LPP: variants seen among roughly 807,000 people sequenced by gnomAD.
LPP encodes the protein lipoma-preferred partner.
LPP carries 38 observed loss-of-function variants against 60.4 expected under a neutral mutation model. The ratio of observed to expected loss-of-function variants is 0.63; its 90% CI spans 0.49 to 0.83. The LOEUF (loss-of-function observed/expected upper bound fraction) is 0.83. LPP is among the 40% of genes least tolerant of loss of function. The pLI is 0.00. For missense variants in LPP, 902 were observed against 783.6 expected (o/e 1.15, Z -1.80); for synonymous variants, 328 against 290.8 (o/e 1.13, Z -1.30).
chr3:188,766,551 T>C (rs1734220524), intron 9 of LPP, among the ~76,000 whole-genome samples: 1 of 152,170 alleles, frequency 6.6e-6, no homozygotes, highest in East Asian at 1.9e-4. Context: ...AACTGAATCT[T>C]AGAAAGTGTC....
rs73888480 is a variant in LPP at position 188,429,721 on chromosome 3, C to G, written c.193+23408C>G. 8.5e-3 allele frequency among the ~76,000 whole-genome samples: 1,299 copies of G among 152,166 alleles called. 14 individuals carry two copies. The highest frequency in any genetic ancestry group is 0.03 in the African/African-American group (1,255 of 41,508). On this transcript the variant is annotated intron_variant, in intron 4 of 11. Coordinates refer to ENST00000617246, the MANE Select transcript of LPP (RefSeq NM_001375462.1). ...TCTGACTCGTCTTCTTTTCTTTAAG[C>G]GGAATAGTTCCACTGCAGAGTCTCT...
chr3:188,594,197 G>A lies in LPP; in HGVS notation c.430-14964G>A, dbSNP rs187758310. 1.1e-4 allele frequency among the ~76,000 whole-genome samples: 16 copies of A among 152,306 alleles called. No individual in the cohort carries two copies. The East Asian group carries it at 3.1e-3, about 29-fold the overall frequency. ...ACATGGAATATCAAGAGGGAGAACAGACTAGGAGAAGACGTTTGAATTCAG... is the reference window on the plus strand; with the variant it reads ...ACATGGAATATCAAGAGGGAGAACAAACTAGGAGAAGACGTTTGAATTCAG... On this transcript the variant is annotated intron_variant, in intron 6 of 11. Coordinates refer to ENST00000617246, the MANE Select transcript of LPP (RefSeq NM_001375462.1).
chr3:188,562,051 A>T (rs1830818370), intron 6 of LPP, among the ~76,000 whole-genome samples: 1 of 47,518 alleles, frequency 2.1e-5, no homozygotes, highest in South Asian at 6.3e-4. Flanking sequence ...TCACGCACAC[A>T]CAGACACACA....
In LPP at chr3:188,841,688, A is replaced by T. The variant is rs374348632; in HGVS notation, c.1411-24512A>T. On this transcript the variant is annotated intron_variant, in intron 9 of 11. Transcript: ENST00000617246. ...AATTTGTTTTCTTAACTACCCATTT[A>T]TTTGCTTGAAACAGATGACTTAAAA... is the stretch of plus-strand genomic sequence containing the variant. 9.2e-5 allele frequency among the ~76,000 whole-genome samples: 14 copies of T among 152,172 alleles called. No individual in the cohort carries two copies. In the South Asian group the frequency reaches 2.9e-3, roughly 32 times the overall value.
intron 9 of LPP, among the ~76,000 whole-genome samples, chr3:188,825,916 G>A (rs147934154): frequency 4.6e-4 from 70 of 152,034 alleles, no homozygotes; most frequent in African/African-American, 1.5e-3. Flanking sequence ...TTTTCTCCGT[G>A]TGCCACCACA....
intron 7 of LPP, among the ~76,000 whole-genome samples, chr3:188,629,127 G>A (rs765511828): frequency 2.0e-5 from 3 of 152,118 alleles, no homozygotes; most frequent in Non-Finnish European, 2.9e-5. Context: ...AACCATCTAT[G>A]TCAAACCCTC....
chr3:188,649,484 A>G (rs1411351380), intron 7 of LPP, among the ~76,000 whole-genome samples: 1 of 152,154 alleles, frequency 6.6e-6, no homozygotes, highest in Non-Finnish European at 1.5e-5. Flanking sequence ...CTTAACCACA[A>G]TAGAACTCAG....
At chr3:188,624,420 A>G (rs968770080) in intron 7 of LPP, among the ~76,000 whole-genome samples, 22 of 152,232 alleles carry the variant, frequency 1.4e-4, no homozygotes, top group Non-Finnish European at 2.8e-4. Context: ...ACGGCTTGAG[A>G]GAGGATTAAA....
intron 7 of LPP, among the ~76,000 whole-genome samples, chr3:188,641,061 T>G (rs1250599875): frequency 6.6e-6 from 1 of 151,948 alleles, no homozygotes; most frequent in African/African-American, 2.4e-5. Flanking sequence ...GAGGGTACAT[T>G]TGCAGTGGAT....
rs556866306 is a variant in LPP at position 188,890,199 on chromosome 3, A to G, written c.*15720A>G. ...CAGCACTTCCTACTAGCTAAGCACA[A>G]TCATAGCCCCACCGTGATGAGCTGC... is the stretch of plus-strand genomic sequence containing the variant. On this transcript the variant is annotated 3_prime_UTR_variant, in exon 12 of 12. Transcript: ENST00000617246. The G allele has an allele frequency of 1.4e-5, 3 of 218,498 alleles. No individual in the cohort carries two copies. Among genetic ancestry groups the G allele is most frequent in the East Asian group, 1.3e-4 (2 of 14,864 alleles). The allele number at this position is 218,498 out of a possible 1,614,324, so 13.5% of individuals were successfully genotyped here.
Position 188,878,773 on chromosome 3 carries a change from AAAG to A in LPP, c.*4297_*4299del, listed in dbSNP as rs946593204. On this transcript the variant is annotated 3_prime_UTR_variant, in exon 12 of 12. Transcript: ENST00000617246. ...AAGTAAAAAAGTAAAAAAAAAAAAA[AAAG>A]AAAGAAAGAAAAGAAAGAGAGAGAA... is the stretch of plus-strand genomic sequence containing the variant. 8 of 204,022 alleles carry A rather than the reference AAAG, an allele frequency of 3.9e-5. No homozygotes were observed. The highest frequency in any genetic ancestry group is 3.0e-4 in the East Asian group (4 of 13,326). The allele number at this position is 204,022 out of a possible 1,614,324, so 12.6% of individuals were successfully genotyped here.
intron 7 of LPP, among the ~76,000 whole-genome samples, chr3:188,634,844 G>T (rs1264999787): frequency 1.3e-5 from 2 of 152,222 alleles, no homozygotes; most frequent in East Asian, 3.9e-4. Context: ...AATAGAAATA[G>T]CATGAACAAT....
At chr3:188,250,724 CTCTTTCTTTCTT>C (rs768358623) in intron 2 of LPP, among the ~76,000 whole-genome samples, 5,854 of 118,514 alleles carry the variant, frequency 0.049, 187 homozygotes, top group East Asian at 0.11. Flanking sequence ...CTTTCTTTCT[CTCTTTCTTTCTT>C]TCTTTCTTTC....
intron 9 of LPP, among the ~76,000 whole-genome samples, chr3:188,848,402 C>T (rs1329833667): frequency 6.6e-6 from 1 of 152,196 alleles, no homozygotes; most frequent in Non-Finnish European, 1.5e-5. Context: ...ACTGATGTCG[C>T]ACTCTTGCTG....
At chr3:188,704,501 C>T (rs540501052) in intron 7 of LPP, among the ~76,000 whole-genome samples, 4 of 152,048 alleles carry the variant, frequency 2.6e-5, no homozygotes, top group South Asian at 2.1e-4. Context: ...ATGATACTGC[C>T]GTATAATGTA....
chr3:188,643,250 T>G (rs1850506291), intron 7 of LPP, among the ~76,000 whole-genome samples: 1 of 152,170 alleles, frequency 6.6e-6, no homozygotes. Context: ...CTGCAAATAT[T>G]AAGAGAACTT....
At chr3:188,470,148 C>T (rs1261100330) in intron 4 of LPP, among the ~76,000 whole-genome samples, 1 of 151,950 alleles carries the variant, frequency 6.6e-6, no homozygotes, top group African/African-American at 2.4e-5. Context: ...ATTTTAATGT[C>T]GCAGAGCTAT....
At chr3:188,664,562 T>C (rs963110882) in intron 7 of LPP, among the ~76,000 whole-genome samples, 3 of 152,070 alleles carry the variant, frequency 2.0e-5, no homozygotes, top group African/African-American at 4.8e-5. Context: ...TTCCTGAGTA[T>C]TGTCTTTAGC....
At chr3:188,339,419 A>G (rs4420855) in intron 2 of LPP, among the ~76,000 whole-genome samples, 65,594 of 152,014 alleles carry the variant, frequency 0.43, 15,928 homozygotes, top group East Asian at 0.71. Flanking sequence ...GTATTAGTCC[A>G]TTCTCACGCT....
Sources: gnomAD v4.1 joint callset for allele counts (sites outside exome capture counted in the v4.1 genomes callset) on GRCh38, gnomAD v4.1.1 for gene constraint, MANE v1.5 for transcripts, NCBI Gene and HGNC (gene_info 2026-07-23, HGNC 2026-07-21) for gene names.